UBE2A: variants seen among roughly 807,000 people sequenced by gnomAD.
The protein encoded by UBE2A is ubiquitin conjugating enzyme E2 A, also known as ubiquitin-conjugating enzyme E2 A.
For missense variants in UBE2A, 27 were observed against 125.8 expected, an observed-to-expected ratio of 0.21 and a Z score of 3.76; for synonymous variants, 39 against 41.1, an observed-to-expected ratio of 0.95 and a Z score of 0.20.
chrX:119,583,088 T>C, intron 5 of UBE2A, 39 bp from the exon 6 acceptor site: 2 of 1,207,161 alleles, frequency 1.7e-6, no homozygotes, highest in Non-Finnish European at 2.2e-6. Flanking sequence ...ATAGTTGTTT[T>C]GCATTAAGGA....
Position 119,574,581 on chromosome X carries a change from G to A in UBE2A, c.-131G>A. ...CGGCGCCAGACCGACCCTCGACTTC[G>A]GAGAGGCAGCGCGGTTCCTCTGGGT... On this transcript the variant is annotated 5_prime_UTR_variant, in exon 1 of 6. Coordinates refer to ENST00000371558, the MANE Select transcript of UBE2A (RefSeq NM_003336.4). 1 of 922,184 alleles carries A rather than the reference G, an allele frequency of 1.1e-6. No individual in the cohort carries two copies. 76.0% of individuals were successfully genotyped at this position (922,184 alleles called of 1,213,427 possible).
Position 119,575,001 on chromosome X carries a change from G to T in UBE2A, c.125+20G>T, listed in dbSNP as rs752202608. Reference sequence around the variant, plus strand: ...TTTCGGGTGAGTCTGCGTTCGTGGCGGTGGCGAGAAAACTGGGGACGCGAG... The same window carrying T: ...TTTCGGGTGAGTCTGCGTTCGTGGCTGTGGCGAGAAAACTGGGGACGCGAG... On this transcript the variant is annotated intron_variant, in intron 2 of 5. Transcript: ENST00000371558. The T allele has an allele frequency of 2.5e-6, 3 of 1,210,384 alleles. No individual in the cohort carries two copies. In the Admixed American group the frequency reaches 6.5e-5, roughly 26 times the overall value.
rs1404017526 is a variant in UBE2A at position 119,575,058 on chromosome X, C to T, written c.125+77C>T. On this transcript the variant is annotated intron_variant, in intron 2 of 5. Transcript: ENST00000371558. ...CGGTCTGCGCTCCGGGGCGGGCCCCCCGCGGAGGCCGAGCGGGTAGGGGAA... is the reference window on the plus strand; with the variant it reads ...CGGTCTGCGCTCCGGGGCGGGCCCCTCGCGGAGGCCGAGCGGGTAGGGGAA... 2.7e-6 allele frequency: 3 copies of T among 1,126,922 alleles called. No homozygotes were observed. In the African/African-American group the frequency reaches 5.4e-5, roughly 20 times the overall value. The allele number at this position is 1,126,922 out of a possible 1,213,427, so 92.9% of individuals were successfully genotyped here. A position where few individuals can be genotyped will look rare whatever the true frequency, so the allele number is the denominator to read the frequency against.
intron 3 of UBE2A, among the ~76,000 whole-genome samples, chrX:119,578,628 TG>T (rs1296913910): frequency 9.0e-6 from 1 of 111,604 alleles, no homozygotes; most frequent in Non-Finnish European, 1.9e-5. Context: ...GGTGGCCAAA[TG>T]GCAGAAAACA....
chrX:119,576,524 C>CAT (rs1328124546), intron 3 of UBE2A, among the ~76,000 whole-genome samples: 1 of 111,789 alleles, frequency 8.9e-6, no homozygotes, highest in African/African-American at 3.3e-5. Context: ...CACACACACA[C>CAT]ACACTTCAGT....
At chrX:119,576,456 T>G (rs2053416665) in intron 3 of UBE2A, among the ~76,000 whole-genome samples, 1 of 111,241 alleles carries the variant, frequency 9.0e-6, no homozygotes, top group Non-Finnish European at 1.9e-5. Context: ...AAAAGGATCT[T>G]TCTGTTATTT....
At position 119,578,785 on chromosome X, in the gene UBE2A, T is replaced by G. The variant is rs73637859; in HGVS notation, c.152-2722T>G. On this transcript the variant is annotated intron_variant, in intron 3 of 5. Transcript: ENST00000371558. ...AGTCACTTAACACGTTTATGTAATT[T>G]TGGTGGTCTCCCTGTATAGATGGAT... 7.9e-3 allele frequency among the ~76,000 whole-genome samples: 887 copies of G among 111,690 alleles called. 7 individuals carry two copies. Among genetic ancestry groups the G allele is most frequent in the African/African-American group, 0.028 (847 of 30,762 alleles).
At position 119,582,694 on chromosome X, in the gene UBE2A, G is replaced by A. The variant is rs749776296; in HGVS notation, c.330+18G>A. 8 of 1,100,495 alleles carry A rather than the reference G, an allele frequency of 7.3e-6. No individual in the cohort carries two copies. Among genetic ancestry groups the A allele is most frequent in the Non-Finnish European group, 1.0e-5 (8 of 795,097 alleles). The allele number at this position is 1,100,495 out of a possible 1,213,427, so 90.7% of individuals were successfully genotyped here. A position where few individuals can be genotyped will look rare whatever the true frequency, so the allele number is the denominator to read the frequency against. ...CCATACAGGTGAATTTTTCCTTAATGTGACGAACTATAACTTTTAATATGT... is the reference window on the plus strand; with the variant it reads ...CCATACAGGTGAATTTTTCCTTAATATGACGAACTATAACTTTTAATATGT... On this transcript the variant is annotated intron_variant, in intron 5 of 5. Coordinates refer to ENST00000371558, the MANE Select transcript of UBE2A (RefSeq NM_003336.4).
chrX:119,575,473 A>C (rs185268786), intron 3 of UBE2A, 73 bp downstream of exon 3: 96 of 1,175,508 alleles, frequency 8.2e-5, no homozygotes, highest in Non-Finnish European at 1.0e-4. Flanking sequence ...TCATCCTGGA[A>C]GTGTCTCCTG....
intron 3 of UBE2A, among the ~76,000 whole-genome samples, chrX:119,578,729 TC>T (rs1164246365): frequency 9.0e-6 from 1 of 111,422 alleles, no homozygotes; most frequent in East Asian, 2.8e-4. Context: ...CCCCTCTAGT[TC>T]AACCATATCA....
rs1200317589 is a variant in UBE2A at position 119,581,562 on chromosome X, A to T, written c.207A>T (p.Thr69=). 1 of 1,205,971 alleles carries T rather than the reference A, an allele frequency of 8.3e-7. No homozygotes were observed. The highest frequency in any genetic ancestry group is 2.2e-5 in the Admixed American group (1 of 46,106). ...FTEEYPNKPP[T]VRFVSKMFHP... is the part of the protein sequence containing the mutation. ...AAGAATATCCAAATAAACCACCTAC[A>T]GTTAGATTTGTCTCTAAGATGTTCC... is the stretch of plus-strand genomic sequence containing the variant. Residue 69 remains threonine (T), a synonymous_variant, in exon 4 of 6, where the codon ACA becomes ACT. Transcript: ENST00000371558.
Sources: allele counts gnomAD v4.1 joint callset (sites outside exome capture counted in the v4.1 genomes callset), GRCh38; gene constraint gnomAD v4.1.1; transcripts MANE v1.5; gene names NCBI Gene and HGNC (gene_info 2026-07-23, HGNC 2026-07-21).